The following SOD2 variants were observed in gnomAD, a reference collection of about 807,000 sequenced individuals.
SOD2 encodes the protein superoxide dismutase 2.
SOD2 carries 11 observed loss-of-function variants against 27.0 expected under a neutral mutation model. The ratio of observed to expected loss-of-function variants is 0.41; its 90% confidence interval spans 0.26 to 0.67. The LOEUF is 0.67. Ranked by LOEUF, SOD2 falls within the 30% of genes least tolerant of loss-of-function variation. SOD2 has a pLI of 0.34. For synonymous variants in SOD2, 105 were observed against 103.0 expected, an observed-to-expected ratio of 1.02 and a Z score of -0.12; for missense variants, 250 against 274.5, an observed-to-expected ratio of 0.91 and a Z score of 0.63.
At chr6:159,726,409 A>G (rs1853259) in intron 1 of SOD2, 38,684 of 165,350 alleles carry the variant, frequency 0.23, 5,013 homozygotes, top group East Asian at 0.41. Context: ...ACCATCTGGA[A>G]TGTACTTTAA....
chr6:159,711,294 T>A (rs377710394), intron 1 of SOD2, among the ~76,000 whole-genome samples: 336 of 29,700 alleles, frequency 0.011, 4 homozygotes, highest in Middle Eastern at 0.036. Flanking sequence ...CACACTGCTC[T>A]GACCTCCATA....
chr6:159,683,200 T>C (rs1780035571), intron 4 of SOD2, among the ~76,000 whole-genome samples: 1 of 152,172 alleles, frequency 6.6e-6, no homozygotes, highest in South Asian at 2.1e-4. Flanking sequence ...AAAAAACTTT[T>C]GGTCTGGGCG....
chr6:159,715,307 A>C (rs557172477), intron 1 of SOD2, among the ~76,000 whole-genome samples: 1 of 152,258 alleles, frequency 6.6e-6, no homozygotes, highest in South Asian at 2.1e-4. Flanking sequence ...AAAACAGGGA[A>C]GAGCAACAAA....
chr6:159,710,484 A>G (rs1777713325), intron 1 of SOD2, among the ~76,000 whole-genome samples: 1 of 152,016 alleles, frequency 6.6e-6, no homozygotes, highest in African/African-American at 2.4e-5. Context: ...AGAGAAGCTG[A>G]CCAAGAGTGA....
At chr6:159,749,065 C>G, upstream of SOD2, 2 of 989,652 alleles carry the variant, frequency 2.0e-6, no homozygotes, top group Non-Finnish European at 2.4e-6. Context: ...ATATTACTTG[C>G]TTGAGCCTTA....
At chr6:159,760,110 C>G (rs1295394580) in intron 1 of SOD2, 1 of 152,154 alleles carries the variant, frequency 6.6e-6, no homozygotes, top group African/African-American at 2.4e-5. Flanking sequence ...GCACCAAATG[C>G]AGGAGATTGG....
chr6:159,682,735 T>C, intron 4 of SOD2, 97 bp from the exon 5 acceptor site: 3 of 1,209,304 alleles, frequency 2.5e-6, no homozygotes, highest in Non-Finnish European at 3.3e-6. Context: ...TCACACAAAA[T>C]TACCCTTTGT....
intron 1 of SOD2, among the ~76,000 whole-genome samples, chr6:159,698,814 T>C (rs960566978): frequency 1.7e-4 from 25 of 151,062 alleles, no homozygotes; most frequent in African/African-American, 6.1e-4. Flanking sequence ...AATAAGAAAA[T>C]CAAGGAAGAG....
chr6:159,670,360 T>C lies in SOD2; in HGVS notation c.*12133A>G, dbSNP rs555961654. On this transcript the variant is annotated 3_prime_UTR_variant, in exon 5 of 5. Transcript: ENST00000538183. ...TTTTTAAATTGTTTTCTGGTAAAAA[T>C]GCTAACAGTAACTAGGAGCTAAAAG... 2.6e-5 allele frequency: 4 copies of C among 152,262 alleles called. No individual in the cohort carries two copies. The highest frequency in any genetic ancestry group is 9.6e-5 in the African/African-American group (4 of 41,530). The allele number at this position is 152,262 out of a possible 1,614,324, so 9.4% of individuals were successfully genotyped here.
chr6:159,690,085 A>C (rs1350000526), intron 2 of SOD2, among the ~76,000 whole-genome samples: 1 of 150,404 alleles, frequency 6.6e-6, no homozygotes, highest in Non-Finnish European at 1.5e-5. Context: ...GGAGTTCCAG[A>C]CCAGCCTGGA....
At chr6:159,741,393 C>T (rs1323109529) in intron 1 of SOD2, among the ~76,000 whole-genome samples, 2 of 152,200 alleles carry the variant, frequency 1.3e-5, no homozygotes, top group African/African-American at 4.8e-5. Flanking sequence ...AGAAGAGTCA[C>T]ATGGTATTTT....
In SOD2 at chr6:159,675,166, T is replaced by C. The variant is rs1035266327; in HGVS notation, c.*7327A>G. 2.0e-5 allele frequency: 3 copies of C among 152,200 alleles called. No homozygotes were observed. The highest frequency in any genetic ancestry group is 2.9e-5 in the Non-Finnish European group (2 of 68,048). The allele number at this position is 152,200 out of a possible 1,614,324, so 9.4% of individuals were successfully genotyped here. On this transcript the variant is annotated 3_prime_UTR_variant, in exon 5 of 5. Coordinates refer to ENST00000538183, the MANE Select transcript of SOD2 (RefSeq NM_000636.4). ...AGAATCAATATCGTGAAAATGGCTA[T>C]ACTGCCCAAGGTAATTTATAGATTC...
At chr6:159,761,810 G>A (rs1285833799) in exon 1 of SOD2, 2 of 228,434 alleles carry the variant, frequency 8.8e-6, no homozygotes, top group East Asian at 1.1e-4. Flanking sequence ...GGTTCTGCCC[G>A]CAAGCCCAGA....
chr6:159,701,846 T>C (rs1161888656), intron 1 of SOD2, among the ~76,000 whole-genome samples: 1 of 152,174 alleles, frequency 6.6e-6, no homozygotes, highest in Non-Finnish European at 1.5e-5. Context: ...GTCATTTCAG[T>C]GGGGATTTTA....
intron 1 of SOD2, chr6:159,720,584 G>A (rs1382070313): frequency 6.6e-6 from 1 of 152,368 alleles, no homozygotes; most frequent in Non-Finnish European, 1.5e-5. Context: ...ATTTGAAATG[G>A]TGACTTGAAG....
chr6:159,693,131 C>G lies in SOD2; in HGVS notation c.23+14G>C. 1 of 1,530,000 alleles carries G rather than the reference C, an allele frequency of 6.5e-7. No individual in the cohort carries two copies. The highest frequency in any genetic ancestry group is 8.8e-7 in the Non-Finnish European group (1 of 1,138,896). The allele number at this position is 1,530,000 out of a possible 1,614,324, so 94.8% of individuals were successfully genotyped here. ...TCGCCCTTGGGGCCGTGACCGGGTC[C>G]CCTTTCTTCTCACCCGCACACTGCC... On this transcript the variant is annotated intron_variant, in intron 1 of 4. Transcript: ENST00000538183.
intron 1 of SOD2, among the ~76,000 whole-genome samples, chr6:159,712,561 C>A (rs1777838633): frequency 6.7e-6 from 1 of 149,878 alleles, no homozygotes; most frequent in Admixed American, 6.7e-5. Context: ...TCCATAACCA[C>A]CACTCACACT....
At chr6:159,719,881 C>G (rs1026849837) in intron 1 of SOD2, among the ~76,000 whole-genome samples, 2 of 151,294 alleles carry the variant, frequency 1.3e-5, no homozygotes, top group Non-Finnish European at 2.9e-5. Flanking sequence ...TGCCACCATA[C>G]CCGGCTAATT....
In SOD2 at chr6:159,726,412, T is replaced by C. The variant is rs150082296; in HGVS notation, c.-116+717A>G. On this transcript the variant is annotated intron_variant, in intron 1 of 2. Coordinates refer to the SOD2 transcript ENST00000401980. ...AAATATACTACGACCATCTGGAATG[T>C]ACTTTAATCTTATCCTAATAAATCA... 5.2e-3 allele frequency: 861 copies of C among 166,882 alleles called. 7 individuals carry two copies. The highest frequency in any genetic ancestry group is 0.02 in the African/African-American group (818 of 41,644). The allele number at this position is 166,882 out of a possible 1,614,324, so 10.3% of individuals were successfully genotyped here.
Sources: gnomAD v4.1 joint callset for allele counts (sites outside exome capture counted in the v4.1 genomes callset) on GRCh38, gnomAD v4.1.1 for gene constraint, MANE v1.5 for transcripts, NCBI Gene and HGNC (gene_info 2026-07-23, HGNC 2026-07-21) for gene names.